The following CYTH1 variants were observed in gnomAD, a reference collection of about 807,000 sequenced individuals.
CYTH1 encodes the protein cytohesin 1, also known as cytohesin-1.
CYTH1 carries 18 observed loss-of-function variants against 61.8 expected under a neutral mutation model. The ratio of observed to expected loss-of-function variants is 0.29; its 90% CI spans 0.20 to 0.43. CYTH1 has a LOEUF of 0.43. Ranked by LOEUF, CYTH1 falls within the 20% of genes least tolerant of loss-of-function variation. CYTH1 has a pLI of 1.00. For synonymous variants in CYTH1, 174 were observed against 184.3 expected, an observed-to-expected ratio of 0.94 and a Z score of 0.45; for missense variants, 336 against 510.5, an observed-to-expected ratio of 0.66 and a Z score of 3.29.
chr17:78,688,620 A>ACAC (rs1478298794), intron 11 of CYTH1, among the ~76,000 whole-genome samples: 1 of 152,250 alleles, frequency 6.6e-6, no homozygotes, highest in Non-Finnish European at 1.5e-5. Context: ...ATGCGGTTAG[A>ACAC]CACGAAGAAT....
intron 1 of CYTH1, among the ~76,000 whole-genome samples, chr17:78,721,729 C>T (rs1466532561): frequency 1.3e-5 from 2 of 152,158 alleles, no homozygotes; most frequent in East Asian, 3.8e-4. Flanking sequence ...TGTCACCCAG[C>T]CCTTCTCAAC....
Position 78,760,370 on chromosome 17 carries a change from T to TAC in CYTH1, c.22+21831_22+21832insGT, listed in dbSNP as rs1567878915. On this transcript the variant is annotated intron_variant, in intron 1 of 13. Coordinates refer to ENST00000446868, the MANE Select transcript of CYTH1 (RefSeq NM_004762.6). The stretch of plus-strand genomic sequence containing the variant: ...AATAGCAGGTTTATATATATATATA[T>TAC]ATATATATATATATACACACACATA... Among the ~76,000 whole-genome samples the TAC allele has an allele frequency of 3.5e-3, 223 of 63,430 alleles. 17 individuals carry two copies. The highest frequency in any genetic ancestry group is 0.012 in the African/African-American group (213 of 17,616). 41.6% of individuals were successfully genotyped at this position (63,430 alleles called of 152,430 possible).
chr17:78,690,320 G>C (rs1375289007), intron 11 of CYTH1, among the ~76,000 whole-genome samples: 3 of 143,836 alleles, frequency 2.1e-5, no homozygotes, highest in Non-Finnish European at 4.5e-5. Context: ...CGTGAGCCCG[G>C]GAGGCGGAGC....
At position 78,776,091 on chromosome 17, in the gene CYTH1, G is replaced by A. The variant is rs142295723; in HGVS notation, c.22+6111C>T. Reference sequence around the variant, plus strand: ...AATCACTTGAACCCAGGAGGCAGAAGTTGCAGTGAGCTAAGATCACGCCAC... The same window carrying A: ...AATCACTTGAACCCAGGAGGCAGAAATTGCAGTGAGCTAAGATCACGCCAC... On this transcript the variant is annotated intron_variant, in intron 1 of 13. Coordinates refer to ENST00000446868, the MANE Select transcript of CYTH1 (RefSeq NM_004762.6). 4.2e-3 allele frequency among the ~76,000 whole-genome samples: 644 copies of A among 152,298 alleles called. 6 individuals are homozygous for A. Among genetic ancestry groups the A allele is most frequent in the African/African-American group, 0.015 (605 of 41,566 alleles).
At chr17:78,705,571 T>C (rs889226885) in intron 3 of CYTH1, among the ~76,000 whole-genome samples, 3 of 152,118 alleles carry the variant, frequency 2.0e-5, no homozygotes, top group Admixed American at 1.3e-4. Flanking sequence ...ACAAAATGCA[T>C]CAGATCGTCG....
chr17:78,758,425 C>A (rs1454649139), intron 1 of CYTH1, among the ~76,000 whole-genome samples: 8 of 152,102 alleles, frequency 5.3e-5, no homozygotes, highest in African/African-American at 1.7e-4. Context: ...TAAGCCCAGG[C>A]CCGGTGTGGT....
Position 78,782,191 on chromosome 17 carries a change from G to T in CYTH1, c.22+11C>A, listed in dbSNP as rs1222407922. ...GCGAGGGGGAAGCGTCCGCCGCCGGGGCGCACTGACCGTAGCTGTCGTCCT... is the reference window on the plus strand; with the variant it reads ...GCGAGGGGGAAGCGTCCGCCGCCGGTGCGCACTGACCGTAGCTGTCGTCCT... On this transcript the variant is annotated intron_variant, in intron 1 of 13. Transcript: ENST00000446868. 2.2e-6 allele frequency: 3 copies of T among 1,367,086 alleles called. No individual in the cohort carries two copies. Among genetic ancestry groups the T allele is most frequent in the Non-Finnish European group, 1.9e-6 (2 of 1,045,514 alleles). 84.7% of individuals were successfully genotyped at this position (1,367,086 alleles called of 1,614,324 possible).
At chr17:78,723,275 A>G (rs192805562) in intron 1 of CYTH1, 2,243 of 152,986 alleles carry the variant, frequency 0.015, 23 homozygotes, top group Non-Finnish European at 0.023. Context: ...GCAACATCAA[A>G]GCCTCGGCAG....
chr17:78,716,793 GCAGCATGAAGAATCAA>G (rs2093184631), intron 1 of CYTH1: 1 of 152,194 alleles, frequency 6.6e-6, no homozygotes, highest in South Asian at 2.1e-4. Flanking sequence ...ATTTCATTTA[GCAGCATGAAGAATCAA>G]CACTATTGCT....
intron 1 of CYTH1, among the ~76,000 whole-genome samples, chr17:78,714,435 C>T (rs1421335293): frequency 6.6e-6 from 1 of 152,166 alleles, no homozygotes; most frequent in East Asian, 1.9e-4. Context: ...GTGCTAAGTG[C>T]TAATATCTTC....
chr17:78,749,782 T>C (rs1462685205), intron 1 of CYTH1, among the ~76,000 whole-genome samples: 1 of 152,146 alleles, frequency 6.6e-6, no homozygotes, highest in Non-Finnish European at 1.5e-5. Flanking sequence ...AGTGTTTTTT[T>C]CCCAAGATTT....
In CYTH1 at chr17:78,740,166, C is replaced by A. The variant is rs1336475400; in HGVS notation, c.23-30434G>T. Among the ~76,000 whole-genome samples the A allele has an allele frequency of 2.6e-5, 4 of 152,132 alleles. No individual in the cohort carries two copies. The East Asian group carries it at 5.8e-4, about 22-fold the overall frequency. On this transcript the variant is annotated intron_variant, in intron 1 of 13. Transcript: ENST00000446868. Reference sequence around the variant, plus strand: ...GGCCAGGCTGGTCTCGAACTCCTAACCTCAAATGATCCACCCACCTTGGCC... The same window carrying A: ...GGCCAGGCTGGTCTCGAACTCCTAAACTCAAATGATCCACCCACCTTGGCC...
intron 11 of CYTH1, chr17:78,692,105 G>A (rs1478347918): frequency 1.0e-5 from 3 of 286,084 alleles, no homozygotes; most frequent in African/African-American, 2.2e-5. Flanking sequence ...GGCAACCAAT[G>A]CAAATTCATT....
At chr17:78,757,317 T>TA (rs35506463) in intron 1 of CYTH1, among the ~76,000 whole-genome samples, 1 of 151,824 alleles carries the variant, frequency 6.6e-6, no homozygotes, top group Non-Finnish European at 1.5e-5. Flanking sequence ...GAGTGCAGTT[T>TA]AAAAAAAAGA....
At chr17:78,764,949 AG>A (rs1468386158) in intron 1 of CYTH1, among the ~76,000 whole-genome samples, 5 of 152,028 alleles carry the variant, frequency 3.3e-5, no homozygotes, top group Admixed American at 2.0e-4. Flanking sequence ...GGAGTCAAGC[AG>A]GGTAAGGGTG....
intron 1 of CYTH1, among the ~76,000 whole-genome samples, chr17:78,760,585 G>GTA (rs59089202): frequency 0.61 from 28,257 of 46,624 alleles, 7,573 homozygotes; most frequent in Admixed American, 0.67. Flanking sequence ...ACATATATAT[G>GTA]TATATATATG....
intron 5 of CYTH1, 24 bp downstream of exon 5, chr17:78,702,098 T>G: frequency 6.5e-7 from 1 of 1,547,876 alleles, no homozygotes; most frequent in Non-Finnish European, 8.9e-7. Flanking sequence ...TTCCCTAGCA[T>G]GCGCATAATC....
chr17:78,694,792 G>T (rs1412743091), intron 10 of CYTH1, among the ~76,000 whole-genome samples: 1 of 152,182 alleles, frequency 6.6e-6, no homozygotes, highest in East Asian at 1.9e-4. Context: ...GAAATTCTCT[G>T]CCTGATTACA....
At chr17:78,741,506 G>C (rs2144638824) in intron 1 of CYTH1, among the ~76,000 whole-genome samples, 1 of 152,290 alleles carries the variant, frequency 6.6e-6, no homozygotes, top group East Asian at 1.9e-4. Context: ...TAGAGTGGGA[G>C]TGTGCAGAAA....
Sources: gnomAD v4.1 joint callset for allele counts (sites outside exome capture counted in the v4.1 genomes callset) on GRCh38, gnomAD v4.1.1 for gene constraint, MANE v1.5 for transcripts, NCBI Gene and HGNC (gene_info 2026-07-23, HGNC 2026-07-21) for gene names.